ZFAND3: variants seen among roughly 807,000 people sequenced by gnomAD.
The protein encoded by ZFAND3 is AN1-type zinc finger protein 3.
Under a neutral mutation model 29.6 loss-of-function variants are expected in ZFAND3, and 10 were observed. The observed-to-expected ratio is 0.34, with a 90% CI of 0.21 to 0.57. The LOEUF is 0.57. ZFAND3 is among the 20% of genes least tolerant of loss of function. ZFAND3 has a pLI of 0.86. For missense variants in ZFAND3, 230 were observed against 304.5 expected (o/e 0.76, Z 1.82); for synonymous variants, 128 against 112.6 (o/e 1.14, Z -0.87).
At chr6:37,974,548 G>C (rs959316312) in intron 2 of ZFAND3, among the ~76,000 whole-genome samples, 33 of 151,728 alleles carry the variant, frequency 2.2e-4, no homozygotes, top group African/African-American at 7.8e-4. Context: ...GGAGCTACAG[G>C]CGTGCGCTCC....
chr6:38,106,063 G>T (rs1765200942), intron 4 of ZFAND3, among the ~76,000 whole-genome samples: 1 of 152,086 alleles, frequency 6.6e-6, no homozygotes, highest in Non-Finnish European at 1.5e-5. Context: ...AAGGGCCTTT[G>T]CTTCCCAGAC....
chr6:38,062,829 C>T (rs527738042), intron 3 of ZFAND3, among the ~76,000 whole-genome samples: 1 of 152,046 alleles, frequency 6.6e-6, no homozygotes, highest in South Asian at 2.1e-4. Context: ...GTAGTTTTTG[C>T]CTTTTAAAAG....
intron 3 of ZFAND3, among the ~76,000 whole-genome samples, chr6:38,072,988 A>G (rs920753005): frequency 4.6e-5 from 7 of 152,218 alleles, no homozygotes; most frequent in African/African-American, 1.2e-4. Flanking sequence ...GAGAGATCCT[A>G]TTATTAAGAC....
At chr6:37,864,204 A>G (rs1313325997) in intron 1 of ZFAND3, among the ~76,000 whole-genome samples, 1 of 152,170 alleles carries the variant, frequency 6.6e-6, no homozygotes, top group Admixed American at 6.5e-5. Flanking sequence ...ACCAGGATAG[A>G]GACTCTTACT....
chr6:38,007,083 C>G (rs553751128), intron 2 of ZFAND3, among the ~76,000 whole-genome samples: 2 of 152,262 alleles, frequency 1.3e-5, no homozygotes, highest in East Asian at 3.9e-4. Context: ...GATGGACATA[C>G]ACTTGCCAAC....
intron 1 of ZFAND3, among the ~76,000 whole-genome samples, chr6:37,852,717 CTT>C (rs957782122): frequency 1.9e-4 from 26 of 138,154 alleles, no homozygotes; most frequent in Non-Finnish European, 1.7e-4. Flanking sequence ...TTTTTCTTTT[CTT>C]TTTTTTTTTT....
At position 37,988,550 on chromosome 6, in the gene ZFAND3, T is replaced by G. The variant is rs529951092; in HGVS notation, c.112+58551T>G. Among the ~76,000 whole-genome samples, 3 of 152,366 alleles carry G rather than the reference T, an allele frequency of 2.0e-5. No homozygotes were observed. The South Asian group carries it at 6.2e-4, about 32-fold the overall frequency. ...ATTTTCTCTCAGTAAAGCTTCTGTT[T>G]ATAAGCTTACTGTTTTTTGTTGTTT... is the stretch of plus-strand genomic sequence containing the variant. On this transcript the variant is annotated intron_variant, in intron 2 of 5. Coordinates refer to ENST00000287218, the MANE Select transcript of ZFAND3 (RefSeq NM_021943.3).
chr6:37,842,737 A>C (rs2127374849), intron 1 of ZFAND3, among the ~76,000 whole-genome samples: 1 of 152,222 alleles, frequency 6.6e-6, no homozygotes, highest in South Asian at 2.1e-4. Flanking sequence ...TTATTTTTAG[A>C]GTTTGGGAGA....
chr6:38,065,144 C>T (rs1400595669), intron 3 of ZFAND3, among the ~76,000 whole-genome samples: 2 of 152,014 alleles, frequency 1.3e-5, no homozygotes, highest in African/African-American at 4.8e-5. Context: ...TGGTGAAACC[C>T]CGTCTCTACA....
intron 2 of ZFAND3, among the ~76,000 whole-genome samples, chr6:38,045,054 TTTTA>T (rs3047087): frequency 0.12 from 16,704 of 134,604 alleles, 1,086 homozygotes; most frequent in Non-Finnish European, 0.15. Context: ...GTGGAAATTC[TTTTA>T]TTTATTTATT....
chr6:38,142,114 A>C (rs893671229), intron 5 of ZFAND3: 18 of 452,516 alleles, frequency 4.0e-5, no homozygotes, highest in African/African-American at 3.4e-4. Context: ...TCAGCTGTTA[A>C]GGGACTTGCT....
intron 5 of ZFAND3, chr6:38,142,125 G>T: frequency 2.2e-6 from 1 of 459,824 alleles, no homozygotes; most frequent in Non-Finnish European, 4.5e-6. Context: ...GGGACTTGCT[G>T]TGGAAGCAGG....
At chr6:37,967,355 A>G (rs1581798649) in intron 2 of ZFAND3, among the ~76,000 whole-genome samples, 1 of 152,186 alleles carries the variant, frequency 6.6e-6, no homozygotes, top group Non-Finnish European at 1.5e-5. Flanking sequence ...GAGTAGTTTC[A>G]GTAGTTTCTT....
At chr6:37,864,969 C>G (rs1466784570) in intron 1 of ZFAND3, among the ~76,000 whole-genome samples, 1 of 152,106 alleles carries the variant, frequency 6.6e-6, no homozygotes, top group Non-Finnish European at 1.5e-5. Flanking sequence ...CACTTGAGGT[C>G]AGGAGTTTGA....
chr6:37,838,714 C>A (rs182453325), intron 1 of ZFAND3, among the ~76,000 whole-genome samples: 1 of 152,268 alleles, frequency 6.6e-6, no homozygotes, highest in East Asian at 1.9e-4. Flanking sequence ...TTTATCTGTT[C>A]ATCAGCTGAT....
chr6:38,059,729 T>G (rs1018580854), intron 2 of ZFAND3, among the ~76,000 whole-genome samples: 7 of 151,946 alleles, frequency 4.6e-5, no homozygotes, highest in Admixed American at 1.3e-4. Context: ...ATACAAAAAT[T>G]AGCCGGGTGT....
intron 5 of ZFAND3, among the ~76,000 whole-genome samples, chr6:38,140,863 C>T (rs1284651780): frequency 6.6e-6 from 1 of 152,196 alleles, no homozygotes; most frequent in Non-Finnish European, 1.5e-5. Flanking sequence ...GATTTGAACT[C>T]ATGTCTGCAG....
chr6:38,003,003 G>A (rs900304792), intron 2 of ZFAND3: 3 of 152,920 alleles, frequency 2.0e-5, no homozygotes, highest in African/African-American at 4.8e-5. Context: ...AAACCAGAAG[G>A]CCATCAACGT....
At chr6:38,124,761 C>A (rs772177392) in intron 5 of ZFAND3, among the ~76,000 whole-genome samples, 10 of 152,196 alleles carry the variant, frequency 6.6e-5, no homozygotes, top group Non-Finnish European at 1.2e-4. Flanking sequence ...CAGAGAGGGG[C>A]CCCCACAGCG....
Sources: allele counts gnomAD v4.1 joint callset (sites outside exome capture counted in the v4.1 genomes callset), GRCh38; gene constraint gnomAD v4.1.1; transcripts MANE v1.5; gene names NCBI Gene and HGNC (gene_info 2026-07-23, HGNC 2026-07-21).